SLC25A48: variants seen among roughly 807,000 people sequenced by gnomAD.
The protein encoded by SLC25A48 is CTC-321K16.1.
A neutral mutation model predicts 32.2 loss-of-function variants in SLC25A48; 29 were observed. The observed-to-expected ratio is 0.90, with a 90% CI of 0.67 to 1.23. The LOEUF is 1.23. Among genes scored for constraint, SLC25A48 ranks in the 50% most tolerant of loss-of-function variants. The probability of loss-of-function intolerance (pLI) is 0.00; values close to 1 mark genes in which losing one functional copy is unlikely to be tolerated. For missense variants in SLC25A48, 399 were observed against 422.7 expected (o/e 0.94, Z 0.49); for synonymous variants, 164 against 172.3 (o/e 0.95, Z 0.38).
intron 1 of SLC25A48, among the ~76,000 whole-genome samples, chr5:135,627,025 A>G (rs1561764617): frequency 6.6e-6 from 1 of 152,126 alleles, no homozygotes; most frequent in African/African-American, 2.4e-5. Context: ...CTGGGGAGAA[A>G]GGAGCCCATC....
At chr5:135,635,320 T>C (rs1752673537) in intron 3 of SLC25A48, among the ~76,000 whole-genome samples, 1 of 152,204 alleles carries the variant, frequency 6.6e-6, no homozygotes, top group African/African-American at 2.4e-5. Flanking sequence ...ACTGCGTTTA[T>C]TGAGCTGGGG....
chr5:135,794,288 G>A (rs1757109765), intron 3 of SLC25A48, among the ~76,000 whole-genome samples: 1 of 151,252 alleles, frequency 6.6e-6, no homozygotes, highest in Admixed American at 6.6e-5. Context: ...GATATCCTTT[G>A]TGATATTGTT....
At chr5:135,655,412 C>A (rs991733227) in intron 3 of SLC25A48, among the ~76,000 whole-genome samples, 1 of 152,168 alleles carries the variant, frequency 6.6e-6, no homozygotes, top group Non-Finnish European at 1.5e-5. Context: ...ATTCATTTCT[C>A]CCCCTGGAGG....
chr5:135,667,440 C>T (rs190750112), intron 3 of SLC25A48, among the ~76,000 whole-genome samples: 136 of 152,248 alleles, frequency 8.9e-4, no homozygotes, highest in Non-Finnish European at 1.5e-3. Context: ...CTGCAACTCC[C>T]GAACAGTAAC....
intron 3 of SLC25A48, among the ~76,000 whole-genome samples, chr5:135,635,990 G>A (rs1561768673): frequency 6.6e-6 from 1 of 152,114 alleles, no homozygotes; most frequent in African/African-American, 2.4e-5. Flanking sequence ...CTATTAATGA[G>A]TAGTCCCCCA....
chr5:135,847,000 G>A (rs1454438087), intron 2 of SLC25A48, among the ~76,000 whole-genome samples: 2 of 152,160 alleles, frequency 1.3e-5, no homozygotes, highest in African/African-American at 2.4e-5. Flanking sequence ...GTTTGCAAAA[G>A]CGAAAGAGTC....
chr5:135,818,102 TCTCTCTCTCTCTCTCTC>T (rs1757783220), intron 4 of SLC25A48, among the ~76,000 whole-genome samples: 8 of 138,290 alleles, frequency 5.8e-5, no homozygotes, highest in Non-Finnish European at 6.4e-5. Flanking sequence ...TCTCTCTCTC[TCTCTCTCTCTCTCTCTC>T]CCTCTGTTTC....
chr5:135,620,715 T>A (rs1056768816), intron 1 of SLC25A48, among the ~76,000 whole-genome samples: 2 of 152,122 alleles, frequency 1.3e-5, no homozygotes, highest in African/African-American at 4.8e-5. Flanking sequence ...AGCTAGGCTC[T>A]TAAAATGGCA....
chr5:135,646,922 G>A (rs1752977802), intron 3 of SLC25A48, among the ~76,000 whole-genome samples: 1 of 151,336 alleles, frequency 6.6e-6, no homozygotes, highest in African/African-American at 2.4e-5. Flanking sequence ...ATACTATATT[G>A]TATACTTGAA....
intron 3 of SLC25A48, among the ~76,000 whole-genome samples, 164 bp downstream of exon 3, chr5:135,850,660 T>A (rs537573551): frequency 6.6e-6 from 1 of 152,182 alleles, no homozygotes; most frequent in South Asian, 2.1e-4. Flanking sequence ...TCAAATATTA[T>A]GTGTTACCTA....
intron 1 of SLC25A48, among the ~76,000 whole-genome samples, chr5:135,610,128 C>T (rs1363436187): frequency 6.6e-6 from 1 of 152,160 alleles, no homozygotes; most frequent in Non-Finnish European, 1.5e-5. Context: ...TGAGCAGTGC[C>T]TGGGGCCAGC....
intron 3 of SLC25A48, among the ~76,000 whole-genome samples, chr5:135,850,945 T>A (rs1156401274): frequency 6.6e-6 from 1 of 152,186 alleles, no homozygotes; most frequent in Non-Finnish European, 1.5e-5. Flanking sequence ...CCTGAGGTAT[T>A]CCTTTTCCGA....
chr5:135,765,602 C>T (rs1334356024), intron 3 of SLC25A48, among the ~76,000 whole-genome samples: 1 of 151,250 alleles, frequency 6.6e-6, no homozygotes, highest in African/African-American at 2.4e-5. Context: ...GGACTGTACA[C>T]CCCCCTGTGA....
intron 3 of SLC25A48, among the ~76,000 whole-genome samples, chr5:135,812,164 A>G (rs1299698543): frequency 2.0e-5 from 3 of 152,122 alleles, no homozygotes; most frequent in Non-Finnish European, 4.4e-5. Context: ...ATTTTATTTT[A>G]TTTTTTAAGC....
chr5:135,767,592 A>T (rs1369789271), intron 3 of SLC25A48, among the ~76,000 whole-genome samples: 1 of 151,758 alleles, frequency 6.6e-6, no homozygotes, highest in African/African-American at 2.4e-5. Flanking sequence ...GAGGAAGAGG[A>T]TGTGATTACT....
At chr5:135,625,570 G>T (rs767348283) in intron 1 of SLC25A48, among the ~76,000 whole-genome samples, 4 of 152,280 alleles carry the variant, frequency 2.6e-5, no homozygotes, top group East Asian at 1.9e-4. Context: ...AACATGGATT[G>T]CCTACCTCTG....
At chr5:135,753,558 C>T (rs1288838204) in intron 3 of SLC25A48, among the ~76,000 whole-genome samples, 2 of 151,670 alleles carry the variant, frequency 1.3e-5, no homozygotes, top group African/African-American at 4.9e-5. Flanking sequence ...AGGTGTGCAC[C>T]TTTGGTGACA....
At chr5:135,872,156 C>A (rs1263939126) in intron 5 of SLC25A48, 7 of 343,064 alleles carry the variant, frequency 2.0e-5, no homozygotes, top group Non-Finnish European at 3.0e-5. Context: ...ACAGCTGGAG[C>A]TGACAGTATA....
intron 1 of SLC25A48, among the ~76,000 whole-genome samples, chr5:135,628,647 A>G (rs1445107983): frequency 1.3e-5 from 2 of 152,296 alleles, no homozygotes; most frequent in South Asian, 2.1e-4. Flanking sequence ...CAGTGTCTTC[A>G]GCAGTCTCTG....
Sources: allele counts gnomAD v4.1 joint callset (sites outside exome capture counted in the v4.1 genomes callset), GRCh38; gene constraint gnomAD v4.1.1; transcripts MANE v1.5; gene names NCBI Gene and HGNC (gene_info 2026-07-23, HGNC 2026-07-21).